ANKRD36: variants seen among roughly 807,000 people sequenced by gnomAD.
The protein encoded by ANKRD36 is ankyrin repeat domain 36.
A neutral mutation model predicts 278.1 loss-of-function variants in ANKRD36; 179 were observed. The observed-to-expected ratio is 0.64, with a 90% CI of 0.57 to 0.73. ANKRD36 has a LOEUF of 0.73. ANKRD36 is among the 30% of genes least tolerant of loss of function. The pLI, the probability that ANKRD36 is intolerant of heterozygous loss-of-function variation, is 0.00. For synonymous variants in ANKRD36, 320 were observed against 641.1 expected, an observed-to-expected ratio of 0.50 and a Z score of 7.57; for missense variants, 1,159 against 1,956.7, an observed-to-expected ratio of 0.59 and a Z score of 7.69.
intron 5 of ANKRD36, among the ~76,000 whole-genome samples, chr2:97,126,604 A>G (rs1250279940): frequency 6.6e-6 from 1 of 151,982 alleles, no homozygotes; most frequent in Non-Finnish European, 1.5e-5. Context: ...GGATTTCAAA[A>G]TAGTTTCAGC....
At chr2:97,138,675 AC>A (rs1325219110) in intron 6 of ANKRD36, among the ~76,000 whole-genome samples, 3 of 152,156 alleles carry the variant, frequency 2.0e-5, no homozygotes, top group Non-Finnish European at 4.4e-5. Context: ...ATGCTACCTG[AC>A]TTCAAAATAT....
chr2:97,166,603 G>C (rs1162357982), intron 20 of ANKRD36, among the ~76,000 whole-genome samples: 2 of 149,954 alleles, frequency 1.3e-5, no homozygotes, highest in Non-Finnish European at 3.0e-5. Context: ...GTGTTTGGGG[G>C]TTTCTGATGA....
intron 10 of ANKRD36, among the ~76,000 whole-genome samples, chr2:97,145,641 A>T (rs1416538220): frequency 6.6e-6 from 1 of 152,048 alleles, no homozygotes; most frequent in African/African-American, 2.4e-5. Context: ...CCTTATTCAG[A>T]TCTAATGCTT....
chr2:97,216,440 G>A (rs1210523254), intron 62 of ANKRD36, among the ~76,000 whole-genome samples: 1 of 152,070 alleles, frequency 6.6e-6, no homozygotes, highest in African/African-American at 2.4e-5. Context: ...AACGCTTGTA[G>A]CAGTTTTACT....
Position 97,174,733 on chromosome 2 carries a change from G to T in ANKRD36, c.1634-5005G>T, listed in dbSNP as rs1433652893. ...TTCAAAGGGAATGCTTCCAGTTTTT[G>T]CCCATTCAGTATGATATTGACTGTG... On this transcript the variant is annotated intron_variant, in intron 22 of 75. Transcript: ENST00000420699. 5.9e-5 allele frequency among the ~76,000 whole-genome samples: 9 copies of T among 151,882 alleles called. No individual in the cohort carries two copies. In the East Asian group the frequency reaches 1.7e-3, roughly 29 times the overall value.
chr2:97,170,225 G>T (rs931535711), intron 22 of ANKRD36, among the ~76,000 whole-genome samples: 3 of 151,704 alleles, frequency 2.0e-5, no homozygotes, highest in Non-Finnish European at 4.4e-5. Flanking sequence ...CTAGCCTTAT[G>T]CAGGAAACTG....
chr2:97,184,326 T>C (rs1237354268), intron 28 of ANKRD36, among the ~76,000 whole-genome samples: 1 of 151,774 alleles, frequency 6.6e-6, no homozygotes, highest in East Asian at 1.9e-4. Context: ...TTTATTAGTA[T>C]CAGGCATCAG....
At chr2:97,201,815 G>C (rs544419067) in intron 46 of ANKRD36, among the ~76,000 whole-genome samples, 3 of 152,014 alleles carry the variant, frequency 2.0e-5, no homozygotes, top group Admixed American at 1.3e-4. Flanking sequence ...AAATCCTTTT[G>C]ATTTGTTGCA....
chr2:97,190,059 T>C (rs1216057696), intron 34 of ANKRD36, among the ~76,000 whole-genome samples: 1 of 87,752 alleles, frequency 1.1e-5, no homozygotes, highest in African/African-American at 2.6e-5. Flanking sequence ...TTCAAGGAGC[T>C]ACCTCTTGGA....
intron 67 of ANKRD36, among the ~76,000 whole-genome samples, chr2:97,225,318 T>A (rs1164580992): frequency 2.0e-5 from 3 of 152,112 alleles, no homozygotes; most frequent in Non-Finnish European, 4.4e-5. Flanking sequence ...AGGTTAAAAA[T>A]TTATTTTCCT....
chr2:97,201,000 G>A (rs1159137169), intron 46 of ANKRD36, among the ~76,000 whole-genome samples: 1 of 151,834 alleles, frequency 6.6e-6, no homozygotes, highest in Non-Finnish European at 1.5e-5. Flanking sequence ...GCAGGAAGGT[G>A]GGAAAAGAGG....
chr2:97,140,149 C>T (rs994865369), intron 6 of ANKRD36, among the ~76,000 whole-genome samples: 1 of 151,486 alleles, frequency 6.6e-6, no homozygotes, highest in Non-Finnish European at 1.5e-5. Flanking sequence ...CTTCTTGGAT[C>T]TAGTAAGGAT....
At chr2:97,205,203 A>C (rs1013992105) in intron 50 of ANKRD36, among the ~76,000 whole-genome samples, 27 of 151,776 alleles carry the variant, frequency 1.8e-4, no homozygotes, top group African/African-American at 6.0e-4. Flanking sequence ...TGGTTGTGGC[A>C]GTTTTACTTT....
chr2:97,177,889 C>G (rs1019724387), intron 22 of ANKRD36, among the ~76,000 whole-genome samples: 2 of 151,398 alleles, frequency 1.3e-5, no homozygotes, highest in Non-Finnish European at 2.9e-5. Flanking sequence ...AGTGAACAGG[C>G]AACCTACAAA....
At chr2:97,159,253 G>A (rs2048255493) in intron 17 of ANKRD36, among the ~76,000 whole-genome samples, 1 of 151,964 alleles carries the variant, frequency 6.6e-6, no homozygotes, top group Admixed American at 6.6e-5. Flanking sequence ...ATTTATGGGT[G>A]ACTGTATTTA....
rs534437318 is a variant in ANKRD36, at chr2:97,149,027, A to G, written c.1035-268A>G. The stretch of plus-strand genomic sequence containing the variant: ...CTGTGCCATTATAATGCCTGTCACT[A>G]TTTGTTATGGGTTTAAGGGTGAGTC... On this transcript the variant is annotated intron_variant, in intron 11 of 75. Transcript: ENST00000420699. Among the ~76,000 whole-genome samples the G allele has an allele frequency of 1.7e-4, 26 of 152,040 alleles. 1 individual carries two copies. Among genetic ancestry groups the G allele is most frequent in the African/African-American group, 4.8e-4 (20 of 41,562 alleles).
chr2:97,187,720 G>A (rs1285587815), intron 32 of ANKRD36, among the ~76,000 whole-genome samples: 1 of 151,758 alleles, frequency 6.6e-6, no homozygotes, highest in Non-Finnish European at 1.5e-5. Context: ...GTTTCACTAA[G>A]GTGAAAGGAG....
At chr2:97,120,302 C>T (rs1016140921) in intron 3 of ANKRD36, among the ~76,000 whole-genome samples, 1 of 84,198 alleles carries the variant, frequency 1.2e-5, no homozygotes, top group African/African-American at 3.4e-5. Flanking sequence ...TATGGACTGC[C>T]TCAGTATGTC....
chr2:97,151,617 G>T (rs1333719111), intron 12 of ANKRD36, among the ~76,000 whole-genome samples: 1 of 152,118 alleles, frequency 6.6e-6, no homozygotes, highest in South Asian at 2.1e-4. Flanking sequence ...GTTAATAAAA[G>T]AAACTAATGG....
Sources: allele counts gnomAD v4.1 joint callset (sites outside exome capture counted in the v4.1 genomes callset), GRCh38; gene constraint gnomAD v4.1.1; transcripts MANE v1.5; gene names NCBI Gene and HGNC (gene_info 2026-07-23, HGNC 2026-07-21).